Variants in KCNN2 observed in about 807,000 individuals in gnomAD.
The protein encoded by KCNN2 is potassium calcium-activated channel subfamily N member 2, also known as small conductance calcium-activated potassium channel protein 2.
Under a neutral mutation model 55.5 loss-of-function variants are expected in KCNN2, and 24 were observed. The ratio of observed to expected loss-of-function variants is 0.43; its 90% CI spans 0.31 to 0.61. The LOEUF (loss-of-function observed/expected upper bound fraction) is 0.61. Among genes scored for constraint, KCNN2 ranks in the 20% least tolerant of loss-of-function variants. KCNN2 has a pLI of 0.08. For missense variants in KCNN2, 754 were observed against 853.6 expected (o/e 0.88, Z 1.45); for synonymous variants, 431 against 336.1 (o/e 1.28, Z -3.09).
chr5:114,458,378 A>G (rs1761024251), intron 3 of KCNN2, among the ~76,000 whole-genome samples: 1 of 152,236 alleles, frequency 6.6e-6, no homozygotes, highest in South Asian at 2.1e-4. Flanking sequence ...AGTTGCACAC[A>G]GATCTTGGAA....
At chr5:114,067,560 A>G (rs1469785430) in intron 1 of KCNN2, among the ~76,000 whole-genome samples, 1 of 152,146 alleles carries the variant, frequency 6.6e-6, no homozygotes, top group Non-Finnish European at 1.5e-5. Context: ...TGGTATTTTT[A>G]TTCCTTTTAA....
chr5:114,371,326 G>T (rs536304203), intron 2 of KCNN2, among the ~76,000 whole-genome samples: 1 of 152,282 alleles, frequency 6.6e-6, no homozygotes, highest in East Asian at 1.9e-4. Context: ...CACAGGAATT[G>T]ATGAAATCAC....
At chr5:114,127,550 A>AT (rs1751964369) in intron 1 of KCNN2, among the ~76,000 whole-genome samples, 1 of 151,778 alleles carries the variant, frequency 6.6e-6, no homozygotes, top group Non-Finnish European at 1.5e-5. Flanking sequence ...CTACAAAACC[A>AT]TTTTTTCCTC....
intron 1 of KCNN2, among the ~76,000 whole-genome samples, chr5:114,124,917 A>G (rs1018679856): frequency 3.9e-5 from 6 of 151,982 alleles, no homozygotes; most frequent in African/African-American, 1.5e-4. Flanking sequence ...TACTTTATTT[A>G]TTTATCTTGT....
intron 2 of KCNN2, among the ~76,000 whole-genome samples, chr5:114,291,405 G>A (rs1016743105): frequency 5.9e-5 from 9 of 151,860 alleles, no homozygotes; most frequent in African/African-American, 7.3e-5. Flanking sequence ...TGTTCTCATC[G>A]TTCAATTTCC....
intron 2 of KCNN2, among the ~76,000 whole-genome samples, chr5:114,396,073 C>T (rs1561605756): frequency 6.6e-6 from 1 of 152,186 alleles, no homozygotes; most frequent in Non-Finnish European, 1.5e-5. Flanking sequence ...CTCCCTCCAG[C>T]CCTTGGCCCT....
At chr5:114,201,089 G>A (rs993821002) in intron 1 of KCNN2, among the ~76,000 whole-genome samples, 6 of 151,994 alleles carry the variant, frequency 3.9e-5, no homozygotes, top group Non-Finnish European at 8.8e-5. Flanking sequence ...TGGTGTGGGT[G>A]GGTGATGGCT....
chr5:114,378,978 C>T (rs1441285885), intron 2 of KCNN2, among the ~76,000 whole-genome samples: 2 of 152,092 alleles, frequency 1.3e-5, no homozygotes, highest in African/African-American at 4.8e-5. Context: ...TATTAATTTG[C>T]TTATTGCTGT....
chr5:114,109,699 A>G (rs1294812048), intron 1 of KCNN2, among the ~76,000 whole-genome samples: 2 of 152,086 alleles, frequency 1.3e-5, no homozygotes, highest in Non-Finnish European at 2.9e-5. Flanking sequence ...CAGTGCAACA[A>G]GAGGTTCCAA....
intron 2 of KCNN2, among the ~76,000 whole-genome samples, chr5:114,278,443 C>G (rs1164903414): frequency 6.6e-6 from 1 of 152,236 alleles, no homozygotes. Context: ...TTCAGATATG[C>G]CCTGCCGCCA....
chr5:114,265,324 GGTGTGT>G (rs60111802), intron 2 of KCNN2, among the ~76,000 whole-genome samples: 3,099 of 149,190 alleles, frequency 0.021, 37 homozygotes, highest in Non-Finnish European at 0.03. Context: ...ATCAAGAGGA[GGTGTGT>G]GTGTGTGTGT....
At chr5:114,491,404 G>A (rs919096578) in intron 6 of KCNN2, among the ~76,000 whole-genome samples, 8 of 151,260 alleles carry the variant, frequency 5.3e-5, no homozygotes, top group Admixed American at 1.3e-4. Context: ...AAAATATTAC[G>A]AAGAAAGGTA....
At chr5:114,474,891 A>T (rs1331380657) in intron 5 of KCNN2, among the ~76,000 whole-genome samples, 1 of 152,046 alleles carries the variant, frequency 6.6e-6, no homozygotes, top group Non-Finnish European at 1.5e-5. Flanking sequence ...AAATCTTAAC[A>T]GAAAAAAAAA....
chr5:114,321,901 C>T (rs531850000), intron 2 of KCNN2, among the ~76,000 whole-genome samples: 3 of 152,218 alleles, frequency 2.0e-5, no homozygotes, highest in African/African-American at 7.2e-5. Context: ...CTGCCTGCCT[C>T]GGCCTCCCAA....
At chr5:114,076,164 A>T (rs1258383279) in intron 1 of KCNN2, among the ~76,000 whole-genome samples, 1 of 152,168 alleles carries the variant, frequency 6.6e-6, no homozygotes, top group Non-Finnish European at 1.5e-5. Context: ...ATACTCTCTG[A>T]GGTGTAATAC....
intron 2 of KCNN2, among the ~76,000 whole-genome samples, chr5:114,248,002 A>G (rs913666713): frequency 1.3e-5 from 2 of 152,148 alleles, no homozygotes; most frequent in African/African-American, 4.8e-5. Context: ...TTCCGTCCTG[A>G]CTTAGAACAG....
At chr5:114,375,952 G>GTGTATATATATA (rs1249028214) in intron 2 of KCNN2, among the ~76,000 whole-genome samples, 2 of 104,722 alleles carry the variant, frequency 1.9e-5, no homozygotes, top group Non-Finnish European at 3.8e-5. Context: ...GACTCACAGT[G>GTGTATATATATA]TATATATATA....
intron 2 of KCNN2, among the ~76,000 whole-genome samples, chr5:114,295,325 G>C (rs1028854008): frequency 4.6e-5 from 7 of 152,222 alleles, no homozygotes; most frequent in Non-Finnish European, 8.8e-5. Context: ...AGGCAGGAAG[G>C]CCTCCTTGAG....
At chr5:114,491,061 A>G (rs1272066602) in intron 6 of KCNN2, among the ~76,000 whole-genome samples, 1 of 152,192 alleles carries the variant, frequency 6.6e-6, no homozygotes, top group Non-Finnish European at 1.5e-5. Flanking sequence ...AAATAAGGCT[A>G]CTGTATGTCA....
Sources: allele counts gnomAD v4.1 joint callset (sites outside exome capture counted in the v4.1 genomes callset), GRCh38; gene constraint gnomAD v4.1.1; transcripts MANE v1.5; gene names NCBI Gene and HGNC (gene_info 2026-07-23, HGNC 2026-07-21).